The following CNTNAP2 variants were observed in gnomAD, a reference collection of about 807,000 sequenced individuals.
CNTNAP2 encodes contactin associated protein 2, also known as contactin-associated protein-like 2.
In CNTNAP2, 98 loss-of-function variants were observed where a neutral mutation model predicts 155.2. That is an observed-to-expected ratio of 0.63 (90% CI 0.54 to 0.75). The LOEUF is 0.75. Ranked by LOEUF, CNTNAP2 falls within the 30% of genes least tolerant of loss-of-function variation. The pLI is 0.00. For missense variants in CNTNAP2, 1,727 were observed against 1,688.1 expected (o/e 1.02, Z -0.40); for synonymous variants, 651 against 631.2 (o/e 1.03, Z -0.47).
At position 146,439,922 on chromosome 7, in the gene CNTNAP2, G is replaced by A. The variant is rs567300252; in HGVS notation, c.97+322949G>A. Reference sequence around the variant, plus strand: ...GTGGATCACCTGAGGTCAGGAGTTCGAGACCAGCCTGGCCAACATTGTGAA... The same window carrying A: ...GTGGATCACCTGAGGTCAGGAGTTCAAGACCAGCCTGGCCAACATTGTGAA... On this transcript the variant is annotated intron_variant, in intron 1 of 23. Transcript: ENST00000361727. 7.9e-5 allele frequency among the ~76,000 whole-genome samples: 12 copies of A among 151,546 alleles called. No individual in the cohort carries two copies. The East Asian group carries it at 2.3e-3, about 29-fold the overall frequency.
chr7:147,757,552 G>A (rs148166928), intron 13 of CNTNAP2, among the ~76,000 whole-genome samples: 150 of 152,064 alleles, frequency 9.9e-4, no homozygotes, highest in African/African-American at 3.4e-3. Context: ...CTCCTTCCAT[G>A]TAAATAAAAT....
At chr7:147,420,800 T>C (rs1797278069) in intron 10 of CNTNAP2, among the ~76,000 whole-genome samples, 1 of 152,218 alleles carries the variant, frequency 6.6e-6, no homozygotes, top group Non-Finnish European at 1.5e-5. Context: ...TTTCTGAAAG[T>C]AACCAACCAT....
At chr7:147,317,776 A>ATGTGTG (rs1179574989) in intron 9 of CNTNAP2, among the ~76,000 whole-genome samples, 25 of 134,320 alleles carry the variant, frequency 1.9e-4, no homozygotes, top group Middle Eastern at 7.6e-3. Context: ...ATATATATAT[A>ATGTGTG]TGTGTGTGTG....
rs540542671 is a variant in CNTNAP2, at chr7:147,645,417, C to G, written c.2098+6111C>G. On this transcript the variant is annotated intron_variant, in intron 13 of 23. Transcript: ENST00000361727. ...TATTGTGACTAATCAGTGTATTAAT[C>G]AGAAGATTATTTACTTAATTATTAT... Among the ~76,000 whole-genome samples the G allele has an allele frequency of 1.8e-4, 27 of 152,126 alleles. 1 individual carries two copies. In the East Asian group the frequency reaches 4.4e-3, roughly 25 times the overall value.
At chr7:147,520,510 AG>A (rs1799213145) in intron 11 of CNTNAP2, among the ~76,000 whole-genome samples, 1 of 152,186 alleles carries the variant, frequency 6.6e-6, no homozygotes, top group Non-Finnish European at 1.5e-5. Context: ...TCTGTCCATT[AG>A]GTAAATGACA....
At position 148,420,638 on chromosome 7, in the gene CNTNAP2, C is replaced by T. The variant is rs17171006; in HGVS notation, c.*5022C>T. ...GTTAATTTACAGCAACTGCTGCTTT[C>T]GGAGATGGCTGTGAAAATATGGAAG... On this transcript the variant is annotated 3_prime_UTR_variant, in exon 24 of 24. Transcript: ENST00000361727. The T allele has an allele frequency of 0.02, 3,095 of 152,540 alleles. 40 individuals are homozygous for T. Among genetic ancestry groups the T allele is most frequent in the Non-Finnish European group, 0.028 (1,887 of 68,024 alleles). The allele number at this position is 152,540 out of a possible 1,614,324, so 9.4% of individuals were successfully genotyped here.
At chr7:148,275,049 T>C (rs1796849013) in intron 21 of CNTNAP2, among the ~76,000 whole-genome samples, 1 of 152,202 alleles carries the variant, frequency 6.6e-6, no homozygotes, top group Non-Finnish European at 1.5e-5. Flanking sequence ...TGCCAGGCAT[T>C]GTATAAGTCC....
intron 1 of CNTNAP2, among the ~76,000 whole-genome samples, chr7:146,167,753 G>T (rs961386343): frequency 2.6e-5 from 4 of 152,190 alleles, no homozygotes; most frequent in African/African-American, 9.6e-5. Flanking sequence ...AGAACTAATA[G>T]TATAGATGTA....
chr7:146,195,871 A>G (rs768301673), intron 1 of CNTNAP2, among the ~76,000 whole-genome samples: 19 of 152,174 alleles, frequency 1.2e-4, no homozygotes, highest in Non-Finnish European at 2.2e-4. Flanking sequence ...TTATATTTGA[A>G]CTTTTTAACA....
At chr7:146,340,277 G>A (rs1201817211) in intron 1 of CNTNAP2, among the ~76,000 whole-genome samples, 3 of 131,912 alleles carry the variant, frequency 2.3e-5, no homozygotes, top group African/African-American at 9.8e-5. Flanking sequence ...TTTGTTTGTT[G>A]TTGTTGTTGT....
At chr7:147,317,529 A>G (rs974845265) in intron 9 of CNTNAP2, among the ~76,000 whole-genome samples, 1 of 152,144 alleles carries the variant, frequency 6.6e-6, no homozygotes, top group Non-Finnish European at 1.5e-5. Context: ...GATCCTACAC[A>G]TTCTACTATT....
Position 146,579,685 on chromosome 7 carries a change from A to C in CNTNAP2, c.98-194586A>C, listed in dbSNP as rs190643681. On this transcript the variant is annotated intron_variant, in intron 1 of 23. Transcript: ENST00000361727. ...ATTTGGTTCCAGGAAAAGACTAAAA[A>C]TTACCCTAGGCACAAGCTGTTTAAT... Among the ~76,000 whole-genome samples the C allele has an allele frequency of 2.6e-3, 390 of 152,230 alleles. 1 individual carries two copies. Among genetic ancestry groups the C allele is most frequent in the Middle Eastern group, 0.024 (7 of 294 alleles).
At chr7:147,681,052 TAAAG>T (rs1468577969) in intron 13 of CNTNAP2, among the ~76,000 whole-genome samples, 3 of 152,006 alleles carry the variant, frequency 2.0e-5, no homozygotes, top group Non-Finnish European at 4.4e-5. Flanking sequence ...CTGTTCCACA[TAAAG>T]AAATTCATTT....
At chr7:146,785,117 C>T (rs1053060148) in intron 2 of CNTNAP2, among the ~76,000 whole-genome samples, 1 of 151,726 alleles carries the variant, frequency 6.6e-6, no homozygotes, top group Non-Finnish European at 1.5e-5. Context: ...ACTATAGACT[C>T]GCACCACCAT....
At chr7:146,577,239 A>G (rs1229373310) in intron 1 of CNTNAP2, among the ~76,000 whole-genome samples, 1 of 152,190 alleles carries the variant, frequency 6.6e-6, no homozygotes, top group Non-Finnish European at 1.5e-5. Context: ...AGGGGTAAAG[A>G]GGTAGGTATC....
At chr7:147,716,573 A>G (rs137891391) in intron 13 of CNTNAP2, among the ~76,000 whole-genome samples, 7 of 152,242 alleles carry the variant, frequency 4.6e-5, no homozygotes, top group Non-Finnish European at 8.8e-5. Context: ...TGTGCTAACC[A>G]AAAAGGGAAG....
At chr7:147,113,682 C>A (rs1800929919) in intron 5 of CNTNAP2, among the ~76,000 whole-genome samples, 1 of 152,150 alleles carries the variant, frequency 6.6e-6, no homozygotes, top group African/African-American at 2.4e-5. Flanking sequence ...TCCCCCAACA[C>A]ATGGGGATTA....
chr7:148,218,558 A>AT, intron 19 of CNTNAP2, among the ~76,000 whole-genome samples: 1 of 151,986 alleles, frequency 6.6e-6, no homozygotes, highest in Non-Finnish European at 1.5e-5. Context: ...CTCCCAGCTA[A>AT]TTTTTTTAAT....
chr7:148,412,872 A>G (rs1334370308), intron 23 of CNTNAP2, among the ~76,000 whole-genome samples: 1 of 152,202 alleles, frequency 6.6e-6, no homozygotes, highest in East Asian at 1.9e-4. Context: ...TTCTACTCAT[A>G]GTTTACTGAA....
Sources: allele counts gnomAD v4.1 joint callset (sites outside exome capture counted in the v4.1 genomes callset), GRCh38; gene constraint gnomAD v4.1.1; transcripts MANE v1.5; gene names NCBI Gene and HGNC (gene_info 2026-07-23, HGNC 2026-07-21).